Variants in ABCA13 observed in about 807,000 individuals in gnomAD.
ABCA13 encodes ATP-binding cassette sub-family A member 13.
ABCA13 carries 476 observed loss-of-function variants against 478.7 expected under a neutral mutation model. The observed-to-expected ratio is 0.99, with a 90% CI of 0.92 to 1.07. The LOEUF (loss-of-function observed/expected upper bound fraction) is 1.07. Among genes scored for constraint, ABCA13 ranks in the 50% least tolerant of loss-of-function variants. The pLI is 0.00. For missense variants in ABCA13, 6,060 were observed against 5,910.6 expected (o/e 1.03, Z -0.83); for synonymous variants, 2,252 against 2,158.9 (o/e 1.04, Z -1.20).
chr7:48,247,069 TACAAAAATGAAA>T (rs1263975700), intron 13 of ABCA13, among the ~76,000 whole-genome samples: 1 of 151,844 alleles, frequency 6.6e-6, no homozygotes, highest in African/African-American at 2.4e-5. Context: ...ACCCCATCTC[TACAAAAATGAAA>T]ACAAAAATTA....
At chr7:48,523,254 T>A (rs1379034993) in intron 53 of ABCA13, among the ~76,000 whole-genome samples, 3 of 152,224 alleles carry the variant, frequency 2.0e-5, no homozygotes, top group African/African-American at 7.2e-5. Context: ...ATCGTCTATG[T>A]TCTCTGTAGA....
intron 10 of ABCA13, among the ~76,000 whole-genome samples, chr7:48,243,878 G>A (rs1791263942): frequency 1.3e-5 from 2 of 152,222 alleles, no homozygotes; most frequent in Non-Finnish European, 2.9e-5. Flanking sequence ...AGGATTCCAT[G>A]CAGTTGCTCA....
rs1230417051 is a variant in ABCA13, at chr7:48,290,939, GGAAAAAAAAA to G, written c.8955+2862_8955+2871del. On this transcript the variant is annotated intron_variant, in intron 20 of 61. Coordinates refer to ENST00000435803, the MANE Select transcript of ABCA13 (RefSeq NM_152701.5). ...AAGGTTTAGAGAGCTTCACACTCAG[GGAAAAAAAAA>G]AAAAAAAAAAAAAAAAAAAGAGAAA... Among the ~76,000 whole-genome samples, 14 of 79,606 alleles carry G rather than the reference GGAAAAAAAAA, an allele frequency of 1.8e-4. No homozygotes were observed. The East Asian group carries it at 2.3e-3, about 13-fold the overall frequency. The allele number at this position is 79,606 out of a possible 152,430, so 52.2% of individuals were successfully genotyped here. A position where few individuals can be genotyped will look rare whatever the true frequency, so the allele number is the denominator to read the frequency against.
In ABCA13 at chr7:48,278,170, A is replaced by G. The variant is rs1796554133; in HGVS notation, c.6976A>G (p.Met2326Val). ...TACCCTGATGATACAAGACAGATTG[A>G]TGAACATTTTTTCAAGTTTAAAGGA... ...FLTLMIQDRL[M>V]NIFSSLKETI... Residue 2326 changes from methionine to valine, a missense_variant, in exon 18 of 62, where the codon ATG becomes GTG. By Grantham distance (21) the Met-to-Val change is conservative. Transcript: ENST00000435803. 3.2e-6 allele frequency: 5 copies of G among 1,557,510 alleles called. No homozygotes were observed. Among genetic ancestry groups the G allele is most frequent in the Non-Finnish European group, 4.3e-6 (5 of 1,149,442 alleles).
chr7:48,484,935 C>T (rs1183125475), intron 47 of ABCA13, among the ~76,000 whole-genome samples: 1 of 152,186 alleles, frequency 6.6e-6, no homozygotes, highest in Non-Finnish European at 1.5e-5. Flanking sequence ...TTTCTTTCAG[C>T]CCTTAGGCTA....
At chr7:48,172,796 TCAAAAA>T (rs1794310243) in intron 1 of ABCA13, among the ~76,000 whole-genome samples, 1 of 29,490 alleles carries the variant, frequency 3.4e-5, no homozygotes, top group Non-Finnish European at 4.9e-5. Context: ...AGACTCCGTC[TCAAAAA>T]AAAAAAAAAA....
In ABCA13 at chr7:48,295,787, A is replaced by G; in HGVS notation, c.9043A>G (p.Ser3015Gly). Reference protein sequence around the residue: ...NLSSTLESFKSSLENATGQDC... With the variant: ...NLSSTLESFKGSLENATGQDC... ...TTCTAGCACCTTGGAGAGCTTCAAG[A>G]GCAGCTTGGAAAATGCCACTGGCCA... Residue 3015 changes from serine (S) to glycine (G), a missense_variant, in exon 21 of 62, where the codon AGC becomes GGC. By Grantham distance (56) the Ser-to-Gly change is moderately conservative (BLOSUM62 0). This residue lies in a region of ABCA13 where 4,423 missense variants were observed against 4,309.1 expected (regional missense o/e 1.03). Transcript: ENST00000435803. The G allele has an allele frequency of 6.2e-7, 1 of 1,614,048 alleles. No individual in the cohort carries two copies. The highest frequency in any genetic ancestry group is 8.5e-7 in the Non-Finnish European group (1 of 1,179,900).
intron 41 of ABCA13, among the ~76,000 whole-genome samples, chr7:48,423,457 C>G (rs564826338): frequency 6.6e-6 from 1 of 152,284 alleles, no homozygotes; most frequent in African/African-American, 2.4e-5. Context: ...ATCCATCAAA[C>G]TGACACTTTA....
intron 8 of ABCA13, 100 bp downstream of exon 8, chr7:48,234,251 C>T (rs756625291): frequency 1.3e-6 from 2 of 1,550,012 alleles, no homozygotes; most frequent in Non-Finnish European, 1.8e-6. Flanking sequence ...ACGGGAGAGG[C>T]AGCCAGACAG....
In ABCA13 at chr7:48,273,472, C is replaced by T. The variant is rs1448217728; in HGVS notation, c.3806C>T (p.Thr1269Ile). 1.2e-6 allele frequency: 2 copies of T among 1,609,132 alleles called. No homozygotes were observed. The highest frequency in any genetic ancestry group is 2.2e-5 in the East Asian group (1 of 44,798). Residue 1269 changes from threonine to isoleucine, a missense_variant, in exon 17 of 62, where the codon ACA (threonine) becomes ATA (isoleucine). Physicochemically the swap from Thr to Ile is moderately conservative, Grantham distance 89. Around this residue, in one of 3 missense-constraint regions of ABCA13, gnomAD observed 4,423 missense variants for 4,309.1 expected, o/e 1.03. Transcript: ENST00000435803. ...GAAGCTGCCCTGCATCAGTTGAAGA[C>T]ATTTCCATTCAACGAAAGTACAAGC... ...TMEAALHQLK[T>I]FPFNESTSRE...
chr7:48,475,742 G>A (rs762792892), intron 45 of ABCA13, among the ~76,000 whole-genome samples: 9 of 152,124 alleles, frequency 5.9e-5, no homozygotes, highest in Non-Finnish European at 1.0e-4. Flanking sequence ...GGGGTTGCAG[G>A]TGTGAGCCAC....
chr7:48,397,085 G>T (rs901797175), intron 38 of ABCA13, among the ~76,000 whole-genome samples: 1 of 152,166 alleles, frequency 6.6e-6, no homozygotes, highest in Non-Finnish European at 1.5e-5. Flanking sequence ...CAGATTGATG[G>T]ATTAGCTTCA....
At chr7:48,378,244 A>G (rs973590512) in intron 35 of ABCA13, among the ~76,000 whole-genome samples, 1 of 152,172 alleles carries the variant, frequency 6.6e-6, no homozygotes, top group African/African-American at 2.4e-5. Flanking sequence ...AAGCTGAGTG[A>G]TGGTGAGAAT....
Position 48,627,216 on chromosome 7 carries a change from A to G in ABCA13, c.14837+11839A>G, listed in dbSNP as rs753110487. ...CAGTTGGCCCCAAAACAGAGTCAGT[A>G]TTGAGAAAAGCAGTTTTCAAACTCA... On this transcript the variant is annotated intron_variant, in intron 59 of 61. Transcript: ENST00000435803. The G allele has an allele frequency of 7.5e-5, 21 of 280,192 alleles. No individual in the cohort carries two copies. The East Asian group carries it at 3.2e-3, about 42-fold the overall frequency. The allele number at this position is 280,192 out of a possible 1,614,324, so 17.4% of individuals were successfully genotyped here.
intron 48 of ABCA13, among the ~76,000 whole-genome samples, chr7:48,490,857 A>G (rs1400060666): frequency 6.6e-6 from 1 of 152,220 alleles, no homozygotes; most frequent in East Asian, 1.9e-4. Flanking sequence ...GTAATATGTT[A>G]GGAAGAATGA....
chr7:48,604,104 T>C (rs1245521742), intron 58 of ABCA13, among the ~76,000 whole-genome samples: 1 of 152,220 alleles, frequency 6.6e-6, no homozygotes, highest in Non-Finnish European at 1.5e-5. Flanking sequence ...TTATTGCATC[T>C]ATTTGATTCT....
chr7:48,489,617 A>G (rs1365509314), intron 48 of ABCA13, among the ~76,000 whole-genome samples: 1 of 152,226 alleles, frequency 6.6e-6, no homozygotes, highest in Non-Finnish European at 1.5e-5. Flanking sequence ...AAATTATTTT[A>G]TTCTGTGACT....
intron 42 of ABCA13, among the ~76,000 whole-genome samples, chr7:48,441,778 T>C (rs1823625108): frequency 6.6e-6 from 1 of 152,214 alleles, no homozygotes; most frequent in African/African-American, 2.4e-5. Flanking sequence ...TGTTACTGGA[T>C]GTTATAGAGA....
chr7:48,358,181 C>T (rs1447987060), intron 31 of ABCA13, among the ~76,000 whole-genome samples: 1 of 131,356 alleles, frequency 7.6e-6, no homozygotes, highest in Non-Finnish European at 1.6e-5. Flanking sequence ...CAGGACAGGA[C>T]AGGACAGGAC....
Sources: allele counts gnomAD v4.1 joint callset (sites outside exome capture counted in the v4.1 genomes callset), GRCh38; gene constraint gnomAD v4.1.1; regional missense constraint gnomAD v4.1.1; transcripts MANE v1.5; gene names NCBI Gene and HGNC (gene_info 2026-07-23, HGNC 2026-07-21).